SRPK2: variants seen among roughly 807,000 people sequenced by gnomAD.
SRPK2 encodes SFRS protein kinase 2.
Under a neutral mutation model 90.8 loss-of-function variants are expected in SRPK2, and 21 were observed. That is an observed-to-expected ratio of 0.23 (90% CI 0.16 to 0.33). The LOEUF is 0.33. Among genes scored for constraint, SRPK2 ranks in the 10% least tolerant of loss-of-function variants. SRPK2 has a pLI of 1.00. For missense variants in SRPK2, 620 were observed against 869.0 expected, an observed-to-expected ratio of 0.71 and a Z score of 3.60; for synonymous variants, 288 against 311.1, an observed-to-expected ratio of 0.93 and a Z score of 0.78.
upstream of SRPK2, among the ~76,000 whole-genome samples, chr7:105,391,282 C>T (rs562871365): frequency 5.3e-5 from 8 of 152,056 alleles, no homozygotes; most frequent in South Asian, 4.1e-4. Context: ...CTCAGCTCTT[C>T]GCAACCTCTG....
At position 105,321,820 on chromosome 7, in the gene SRPK2, G is replaced by C. The variant is rs549223862; in HGVS notation, c.71+66828C>G. 5.3e-5 allele frequency among the ~76,000 whole-genome samples: 8 copies of C among 152,280 alleles called. No homozygotes were observed. In the East Asian group the frequency reaches 1.5e-3, roughly 29 times the overall value. On this transcript the variant is annotated intron_variant, in intron 2 of 15. Transcript: ENST00000393651. ...ACTAACAAGTACTGGAAAATATGTG[G>C]AGAAATTGAAATCCTTGTACACTGC...
intron 2 of SRPK2, among the ~76,000 whole-genome samples, chr7:105,340,890 G>C (rs1405336060): frequency 1.3e-5 from 2 of 152,108 alleles, no homozygotes; most frequent in African/African-American, 4.8e-5. Flanking sequence ...CTGCAATAAA[G>C]ACTTTTCTAA....
chr7:105,331,308 C>CAAAAAAAAAAA lies in SRPK2; in HGVS notation c.71+57329_71+57339dup. On this transcript the variant is annotated intron_variant, in intron 2 of 15. Coordinates refer to ENST00000393651, the MANE Select transcript of SRPK2 (RefSeq NM_182692.3). ...TGGGCGACAGAGCGAGACTCCGTCTCAAAAAAAAAAAAAAAAAAAAAAAAA... is the reference window on the plus strand; with the variant it reads ...TGGGCGACAGAGCGAGACTCCGTCTCAAAAAAAAAAAAAAAAAAAAAAAAAAAAAAAAAAAA... Among the ~76,000 whole-genome samples the CAAAAAAAAAAA allele has an allele frequency of 4.3e-3, 196 of 45,084 alleles. 31 individuals are homozygous for CAAAAAAAAAAA. Among genetic ancestry groups the CAAAAAAAAAAA allele is most frequent in the African/African-American group, 0.01 (92 of 8,854 alleles). 29.6% of individuals were successfully genotyped at this position (45,084 alleles called of 152,430 possible).
intron 2 of SRPK2, among the ~76,000 whole-genome samples, chr7:105,219,126 C>T (rs1369112465): frequency 6.6e-6 from 1 of 152,070 alleles, no homozygotes; most frequent in Non-Finnish European, 1.5e-5. Context: ...CACATAGCTT[C>T]GTTGGATGGA....
chr7:105,198,692 A>G (rs1054680113), intron 3 of SRPK2, among the ~76,000 whole-genome samples: 14 of 152,214 alleles, frequency 9.2e-5, no homozygotes, highest in Non-Finnish European at 2.1e-4. Flanking sequence ...AAGAAGAGTG[A>G]AACTCATATT....
chr7:105,294,081 A>G (rs1809454970), intron 2 of SRPK2, among the ~76,000 whole-genome samples: 1 of 152,190 alleles, frequency 6.6e-6, no homozygotes, highest in African/African-American at 2.4e-5. Context: ...GCCAGTGGGC[A>G]TCTCTAGTCC....
chr7:105,223,648 T>G (rs1798367644), intron 2 of SRPK2, among the ~76,000 whole-genome samples: 1 of 152,222 alleles, frequency 6.6e-6, no homozygotes, highest in Non-Finnish European at 1.5e-5. Context: ...TGTTTTCCTC[T>G]GCCACTAGAG....
intron 2 of SRPK2, among the ~76,000 whole-genome samples, chr7:105,275,774 G>A (rs911314749): frequency 4.6e-5 from 7 of 152,130 alleles, no homozygotes; most frequent in Non-Finnish European, 1.0e-4. Context: ...AAACGGAGCC[G>A]CCCTGAATCA....
At chr7:105,179,268 C>A (rs1454709883) in intron 3 of SRPK2, among the ~76,000 whole-genome samples, 1 of 152,158 alleles carries the variant, frequency 6.6e-6, no homozygotes, top group African/African-American at 2.4e-5. Flanking sequence ...AGTTACTTAA[C>A]CTGTGTCAGC....
intron 3 of SRPK2, among the ~76,000 whole-genome samples, chr7:105,177,831 G>C (rs1792180904): frequency 6.6e-6 from 1 of 152,028 alleles, no homozygotes; most frequent in South Asian, 2.1e-4. Context: ...GACCACCCTG[G>C]CTAACACGGT....
intron 2 of SRPK2, among the ~76,000 whole-genome samples, chr7:105,240,277 T>A (rs951951259): frequency 6.6e-6 from 1 of 152,160 alleles, no homozygotes; most frequent in East Asian, 1.9e-4. Flanking sequence ...GTGTTGGTGA[T>A]CTAATTGTCT....
At chr7:105,174,517 T>C (rs1023764960) in intron 3 of SRPK2, among the ~76,000 whole-genome samples, 4 of 151,984 alleles carry the variant, frequency 2.6e-5, no homozygotes, top group Admixed American at 2.6e-4. Context: ...CTGAAAACTT[T>C]CAAAGGACTA....
At chr7:105,356,860 T>C (rs1480850939) in intron 2 of SRPK2, among the ~76,000 whole-genome samples, 2 of 152,056 alleles carry the variant, frequency 1.3e-5, no homozygotes, top group South Asian at 2.1e-4. Context: ...AGAGGCAAAA[T>C]ATGAGAAATG....
At chr7:105,226,295 AT>A (rs995646082) in intron 2 of SRPK2, among the ~76,000 whole-genome samples, 36 of 150,064 alleles carry the variant, frequency 2.4e-4, no homozygotes, top group Admixed American at 6.0e-4. Flanking sequence ...GAAAGAAATA[AT>A]TTTTTTTTTA....
chr7:105,385,305 C>G (rs1026847097), intron 2 of SRPK2, among the ~76,000 whole-genome samples: 2 of 150,900 alleles, frequency 1.3e-5, no homozygotes, highest in African/African-American at 4.9e-5. Flanking sequence ...CTCAGCCTCC[C>G]GAGTAGCTGA....
chr7:105,382,086 T>G (rs947095514), intron 2 of SRPK2, among the ~76,000 whole-genome samples: 1 of 151,980 alleles, frequency 6.6e-6, no homozygotes, highest in African/African-American at 2.4e-5. Flanking sequence ...GAGAATCGCT[T>G]GAACCTGGGA....
intron 2 of SRPK2, among the ~76,000 whole-genome samples, chr7:105,335,990 A>T (rs964266236): frequency 2.1e-4 from 32 of 152,152 alleles, no homozygotes; most frequent in Admixed American, 3.3e-4. Context: ...GTATAAAAAT[A>T]AAATATATAC....
At chr7:105,316,603 A>G (rs1431658387) in intron 2 of SRPK2, among the ~76,000 whole-genome samples, 4 of 152,238 alleles carry the variant, frequency 2.6e-5, no homozygotes, top group Non-Finnish European at 5.9e-5. Flanking sequence ...TGCTGTTTCC[A>G]TGACCATCTT....
intron 2 of SRPK2, among the ~76,000 whole-genome samples, chr7:105,364,408 T>TTTTTTTTTTG (rs1327773873): frequency 1.3e-5 from 2 of 150,576 alleles, no homozygotes; most frequent in South Asian, 2.1e-4. Flanking sequence ...GTGTAACGTT[T>TTTTTTTTTTG]TTTTTTTTTT....
Sources: gnomAD v4.1 joint callset for allele counts (sites outside exome capture counted in the v4.1 genomes callset) on GRCh38, gnomAD v4.1.1 for gene constraint, MANE v1.5 for transcripts, NCBI Gene and HGNC (gene_info 2026-07-23, HGNC 2026-07-21) for gene names.